ST6GAL2: variants seen among roughly 807,000 people sequenced by gnomAD.
ST6GAL2 encodes beta-galactoside alpha-2,6-sialyltransferase 2.
In ST6GAL2, 24 loss-of-function variants were observed where a neutral mutation model predicts 37.5. That is an observed-to-expected ratio of 0.64 (90% CI 0.46 to 0.90). The LOEUF is 0.90. Among genes scored for constraint, ST6GAL2 ranks in the 40% least tolerant of loss-of-function variants. The pLI is 0.00. For synonymous variants in ST6GAL2, 306 were observed against 295.1 expected (o/e 1.04, Z -0.38); for missense variants, 715 against 712.7 (o/e 1.00, Z -0.04).
Position 106,839,834 on chromosome 2 carries a change from A to C in ST6GAL2, c.943+3201T>G, listed in dbSNP as rs144570353. 2.4e-3 allele frequency among the ~76,000 whole-genome samples: 370 copies of C among 152,366 alleles called. 1 individual carries two copies. Among genetic ancestry groups the C allele is most frequent in the African/African-American group, 8.6e-3 (359 of 41,584 alleles). The stretch of plus-strand genomic sequence containing the variant: ...AAATTATTATTGCTTATATGCATGG[A>C]TGAAAACAGATCATCTTATAACTCT... On this transcript the variant is annotated intron_variant, in intron 2 of 5. Coordinates refer to ENST00000409382, the MANE Select transcript of ST6GAL2 (RefSeq NM_001142351.2).
chr2:106,867,671 T>G lies in ST6GAL2; in HGVS notation c.-58+18422A>C, dbSNP rs147006640. On this transcript the variant is annotated intron_variant, in intron 1 of 5. Transcript: ENST00000409382. ...GCTGCACTTCATGCAGGTCTAATCT[T>G]TCAGGGCACAGTGTGGTTAGGAACC... Among the ~76,000 whole-genome samples, 408 of 152,300 alleles carry G rather than the reference T, an allele frequency of 2.7e-3. 2 individuals are homozygous for G. The highest frequency in any genetic ancestry group is 9.3e-3 in the African/African-American group (387 of 41,560).
intron 1 of ST6GAL2, among the ~76,000 whole-genome samples, chr2:106,854,697 C>T (rs1012778515): frequency 2.0e-4 from 30 of 152,086 alleles, no homozygotes; most frequent in African/African-American, 6.5e-4. Context: ...GAGTGTCTGA[C>T]TCAAGCTAAT....
At position 106,854,868 on chromosome 2, in the gene ST6GAL2, CTCAAATCCTTTTT is replaced by C. The variant is rs1309195992; in HGVS notation, c.-57-10847_-57-10835del. Among the ~76,000 whole-genome samples, 36 of 150,698 alleles carry C rather than the reference CTCAAATCCTTTTT, an allele frequency of 2.4e-4. 1 individual carries two copies. The South Asian group carries it at 2.9e-3, about 12-fold the overall frequency. On this transcript the variant is annotated intron_variant, in intron 1 of 5. Transcript: ENST00000409382. ...TCTCATGTTTTCATGTTTCATGTTT[CTCAAATCCTTTTT>C]TAAAAATATAAATAAATATACTTTA...
In ST6GAL2 at chr2:106,843,412, C is replaced by A. The variant is rs762019398; in HGVS notation, c.566G>T (p.Gly189Val). Residue 189 changes from glycine (G) to valine (V), a missense_variant, in exon 2 of 6, where the codon GGC becomes GTC. Around this residue, in one of 3 missense-constraint regions of ST6GAL2, gnomAD observed 512 missense variants for 488.8 expected, o/e 1.05. Coordinates refer to ENST00000409382, the MANE Select transcript of ST6GAL2 (RefSeq NM_001142351.2). ...RQRRSHVLEE[G>V]DDGDRLYSSM... ...GGAGTACAGCCTGTCGCCGTCGTCGCCCTCCTCCAACACGTGGCTCCTTCT... is the reference window on the plus strand; with the variant it reads ...GGAGTACAGCCTGTCGCCGTCGTCGACCTCCTCCAACACGTGGCTCCTTCT... 3.1e-6 allele frequency: 5 copies of A among 1,614,014 alleles called. No homozygotes were observed. In the Admixed American group the frequency reaches 5.0e-5, roughly 16 times the overall value.
intron 1 of ST6GAL2, among the ~76,000 whole-genome samples, chr2:106,884,991 T>C (rs1379911046): frequency 1.4e-5 from 2 of 148,128 alleles, no homozygotes; most frequent in Admixed American, 1.4e-4. Context: ...ACATCATATA[T>C]ATATAGCACT....
intron 1 of ST6GAL2, among the ~76,000 whole-genome samples, chr2:106,848,698 C>A (rs1482209398): frequency 1.3e-5 from 2 of 152,186 alleles, no homozygotes; most frequent in Admixed American, 1.3e-4. Flanking sequence ...TGGGAAATTT[C>A]ATGGCAGGAT....
intron 5 of ST6GAL2, chr2:106,813,231 G>T: frequency 7.5e-7 from 1 of 1,332,960 alleles, no homozygotes; most frequent in South Asian, 2.2e-5. Context: ...GAGCCTATAT[G>T]AGGGATTCAT....
chr2:106,801,817 A>T lies in ST6GAL2; in HGVS notation c.*4861T>A, dbSNP rs1475381527. ...ATACAAAAGAATTCCCAAAGCTGTT[A>T]AAAAAGTTCACTGGTTTCCACTGGA... On this transcript the variant is annotated 3_prime_UTR_variant, in exon 6 of 6. Transcript: ENST00000409382. 6.6e-6 allele frequency: 1 copy of T among 152,222 alleles called. No individual in the cohort carries two copies. The highest frequency in any genetic ancestry group is 2.1e-4 in the South Asian group (1 of 4,830). The allele number at this position is 152,222 out of a possible 1,614,324, so 9.4% of individuals were successfully genotyped here.
At chr2:106,834,196 T>C in intron 2 of ST6GAL2, 50 bp from the exon 3 acceptor site, 3 of 1,354,300 alleles carry the variant, frequency 2.2e-6, no homozygotes. Context: ...TAGAATCACA[T>C]AATCTAGGAA....
In ST6GAL2 at chr2:106,843,058, T is replaced by C. The variant is rs899630822; in HGVS notation, c.920A>G (p.Asn307Ser). ...ACCTATTTCCTCGCCCAAGGAAGAG[T>C]TGAGGATTGCGCCTGCAGACATGAC... ...AVVMSAGAIL[N>S]SSLGEEIDSH... The change falls in exon 2 of 6, where the codon AAC becomes AGC. Residue 307 changes from asparagine (N) to serine (S), a missense_variant. Asn to Ser is a conservative substitution (Grantham distance 46). Around this residue, in one of 3 missense-constraint regions of ST6GAL2, gnomAD observed 512 missense variants for 488.8 expected, o/e 1.05. Coordinates refer to ENST00000409382, the MANE Select transcript of ST6GAL2 (RefSeq NM_001142351.2). The C allele has an allele frequency of 2.7e-6, 4 of 1,467,216 alleles. No individual in the cohort carries two copies. Among genetic ancestry groups the C allele is most frequent in the Middle Eastern group, 1.9e-4 (1 of 5,310 alleles). 90.9% of individuals were successfully genotyped at this position (1,467,216 alleles called of 1,614,324 possible).
In ST6GAL2 at chr2:106,843,410, C is replaced by A. The variant is rs1309510672; in HGVS notation, c.568G>T (p.Asp190Tyr). ...GAGGAGTACAGCCTGTCGCCGTCGT[C>A]GCCCTCCTCCAACACGTGGCTCCTT... ...QRRSHVLEEG[D>Y]DGDRLYSSMS... Residue 190 changes from aspartate to tyrosine, a missense_variant, in exon 2 of 6, where the codon GAC (aspartate) becomes TAC (tyrosine). This residue lies in a region of ST6GAL2 where 512 missense variants were observed against 488.8 expected (regional missense o/e 1.05). Transcript: ENST00000409382. The A allele has an allele frequency of 5.0e-6, 8 of 1,614,002 alleles. No individual in the cohort carries two copies. The highest frequency in any genetic ancestry group is 4.0e-5 in the African/African-American group (3 of 74,930).
chr2:106,856,556 C>T (rs1235864146), intron 1 of ST6GAL2, among the ~76,000 whole-genome samples: 2 of 152,220 alleles, frequency 1.3e-5, no homozygotes, highest in South Asian at 2.1e-4. Context: ...CTCTGTTTGA[C>T]ATTCGTGGCA....
intron 1 of ST6GAL2, among the ~76,000 whole-genome samples, chr2:106,847,335 T>A (rs893137299): frequency 7.2e-5 from 11 of 152,234 alleles, no homozygotes; most frequent in African/African-American, 2.7e-4. Flanking sequence ...CCAGGGACAG[T>A]GCTTTGAGCT....
chr2:106,876,676 T>C (rs1263857854), intron 1 of ST6GAL2, among the ~76,000 whole-genome samples: 1 of 152,192 alleles, frequency 6.6e-6, no homozygotes, highest in African/African-American at 2.4e-5. Flanking sequence ...GCTGGTTATA[T>C]AGGTATATTC....
At chr2:106,867,699 C>A (rs537808510) in intron 1 of ST6GAL2, among the ~76,000 whole-genome samples, 1 of 151,976 alleles carries the variant, frequency 6.6e-6, no homozygotes, top group Non-Finnish European at 1.5e-5. Context: ...TAGGAACCCA[C>A]CCCCAGCCCG....
intron 1 of ST6GAL2, among the ~76,000 whole-genome samples, chr2:106,877,402 C>A (rs1678550699): frequency 6.6e-6 from 1 of 152,164 alleles, no homozygotes; most frequent in Non-Finnish European, 1.5e-5. Flanking sequence ...CGATAGAAGG[C>A]CTGCGAGCTC....
intron 4 of ST6GAL2, among the ~76,000 whole-genome samples, chr2:106,830,457 G>A (rs1676376885): frequency 6.6e-6 from 1 of 152,186 alleles, no homozygotes. Context: ...AATGCTTTGT[G>A]CTTAAGTAAA....
In ST6GAL2 at chr2:106,843,818, C is replaced by T. The variant is rs750074911; in HGVS notation, c.160G>A (p.Val54Met). The T allele has an allele frequency of 6.2e-7, 1 of 1,611,770 alleles. No individual in the cohort carries two copies. Among genetic ancestry groups the T allele is most frequent in the East Asian group, 2.2e-5 (1 of 44,812 alleles). The change falls in exon 2 of 6, where the codon GTG becomes ATG. Residue 54 changes from valine (V) to methionine (M), a missense_variant. Physicochemically the swap from Val to Met is conservative, Grantham distance 21 (BLOSUM62 1). Around this residue, in one of 3 missense-constraint regions of ST6GAL2, gnomAD observed 512 missense variants for 488.8 expected, o/e 1.05. Transcript: ENST00000409382. ...ATGATGGCCCGCTGCTTCCCCTGCA[C>T]CGGCAGGAGCCTCCTGGTCTCCAGG... ...SFLETRRLLP[V>M]QGKQRAIMGA...
intron 1 of ST6GAL2, among the ~76,000 whole-genome samples, chr2:106,879,562 C>T (rs1678655478): frequency 2.0e-5 from 3 of 151,832 alleles, no homozygotes; most frequent in African/African-American, 4.8e-5. Context: ...TTTTTAACTA[C>T]CCTGTCACTC....
Sources: gnomAD v4.1 joint callset for allele counts (sites outside exome capture counted in the v4.1 genomes callset) on GRCh38, gnomAD v4.1.1 for gene constraint, gnomAD v4.1.1 regional missense constraint, MANE v1.5 for transcripts, NCBI Gene and HGNC (gene_info 2026-07-23, HGNC 2026-07-21) for gene names.